Variants in IQCH observed in about 807,000 individuals in gnomAD.
The protein encoded by IQCH is IQ motif containing H.
IQCH carries 98 observed loss-of-function variants against 117.0 expected under a neutral mutation model. That is an observed-to-expected ratio of 0.84 (90% CI 0.71 to 0.99). The LOEUF (loss-of-function observed/expected upper bound fraction) is 0.99, where lower values mean the gene tolerates loss of function less well. Among genes scored for constraint, IQCH ranks in the 50% least tolerant of loss-of-function variants. The pLI, the probability that IQCH is intolerant of heterozygous loss-of-function variation, is 0.00. For missense variants in IQCH, 1,102 were observed against 1,243.8 expected, an observed-to-expected ratio of 0.89 and a Z score of 1.72; for synonymous variants, 412 against 448.2, an observed-to-expected ratio of 0.92 and a Z score of 1.02.
Position 67,480,876 on chromosome 15 carries a change from T to A in IQCH, c.2799+5058T>A, listed in dbSNP as rs1306191230. Among the ~76,000 whole-genome samples the A allele has an allele frequency of 3.9e-5, 6 of 152,054 alleles. No individual in the cohort carries two copies. In the East Asian group the frequency reaches 5.8e-4, roughly 15 times the overall value. On this transcript the variant is annotated intron_variant, in intron 18 of 20. Coordinates refer to ENST00000335894, the MANE Select transcript of IQCH (RefSeq NM_001031715.3). ...ATGGTGTATATTAGGCATTGCCGAC[T>A]GCATTTGGCAAGGTATTATACAAAA...
rs2081997519 is a variant in IQCH, at chr15:67,430,525, T to C, written c.2505+8948T>C. 6.6e-6 allele frequency: 1 copy of C among 152,242 alleles called. No homozygotes were observed. 9.4% of individuals were successfully genotyped at this position (152,242 alleles called of 1,614,324 possible). ...TTGTATTGATTCATAGGTATAAATA[T>C]TGCCTCCATGAGATTTTTTTAATCC... On this transcript the variant is annotated intron_variant, in intron 16 of 20. Transcript: ENST00000335894. The surrounding 1 kb of genome is among the most constrained non-coding windows in gnomAD (Gnocchi z 5.1).
At chr15:67,371,442 TC>T in intron 8 of IQCH, 1 of 1,463,800 alleles carries the variant, frequency 6.8e-7, no homozygotes, top group South Asian at 1.6e-5. Flanking sequence ...GTGATCCTAA[TC>T]CACCTGGGAC....
At chr15:67,450,665 G>A (rs1034337869) in intron 16 of IQCH, among the ~76,000 whole-genome samples, 2 of 152,286 alleles carry the variant, frequency 1.3e-5, no homozygotes, top group South Asian at 2.1e-4. Context: ...GTTCATCAAG[G>A]ATATTGGTCT....
chr15:67,461,370 A>G (rs2082789347), intron 16 of IQCH, among the ~76,000 whole-genome samples: 1 of 152,230 alleles, frequency 6.6e-6, no homozygotes, highest in Non-Finnish European at 1.5e-5. Context: ...AGGAGTTCAC[A>G]GTGAAACACT....
intron 4 of IQCH, among the ~76,000 whole-genome samples, chr15:67,287,815 T>C (rs1157133480): frequency 6.6e-6 from 1 of 152,050 alleles, no homozygotes; most frequent in Non-Finnish European, 1.5e-5. Context: ...TCTAGTTCTT[T>C]AAGATGTATT....
chr15:67,361,702 T>C (rs1339906258), intron 8 of IQCH, among the ~76,000 whole-genome samples: 1 of 152,208 alleles, frequency 6.6e-6, no homozygotes, highest in Non-Finnish European at 1.5e-5. Flanking sequence ...GCCTTTTCTA[T>C]CTTATAGCTC....
chr15:67,421,470 A>G lies in IQCH; in HGVS notation c.2398A>G (p.Thr800Ala), dbSNP rs1253485990. 6.2e-7 allele frequency: 1 copy of G among 1,614,098 alleles called. No individual in the cohort carries two copies. Among genetic ancestry groups the G allele is most frequent in the Non-Finnish European group, 8.5e-7 (1 of 1,179,984 alleles). ...GACCTCAGTGGATCCCCAAGTTCTC[A>G]CTTATTTGTGCCTCCAAATTGGAAA... ...PQTSVDPQVL[T>A]YLCLQIGKAC... is the part of the protein sequence containing the mutation. Residue 800 changes from threonine (T) to alanine (A), a missense_variant, in exon 16 of 21, where the codon ACT becomes GCT. Coordinates refer to ENST00000335894, the MANE Select transcript of IQCH (RefSeq NM_001031715.3).
rs934951022 is a variant in IQCH, at chr15:67,493,766, G to A, written c.2862-492G>A. 4.6e-5 allele frequency among the ~76,000 whole-genome samples: 7 copies of A among 151,950 alleles called. No individual in the cohort carries two copies. The highest frequency in any genetic ancestry group is 2.1e-4 in the South Asian group (1 of 4,824). The stretch of plus-strand genomic sequence containing the variant: ...GTTAGTGTCCTGCACCCATTAACTC[G>A]TCATTTACATTAGGTATATCTCCTA... On this transcript the variant is annotated intron_variant, in intron 19 of 20. Transcript: ENST00000335894. The surrounding 1 kb of genome is among the most constrained non-coding windows in gnomAD (Gnocchi z 5.1).
At chr15:67,402,922 C>G (rs961312230) in intron 14 of IQCH, among the ~76,000 whole-genome samples, 2 of 152,144 alleles carry the variant, frequency 1.3e-5, no homozygotes. Context: ...TAGATGTAGA[C>G]AAGATTCAGT....
intron 1 of IQCH, among the ~76,000 whole-genome samples, chr15:67,255,886 C>G (rs1965159394): frequency 6.6e-6 from 1 of 152,182 alleles, no homozygotes; most frequent in Admixed American, 6.5e-5. Flanking sequence ...CTAATCTTAC[C>G]TGATCTTTTC....
chr15:67,421,714 C>A lies in IQCH; in HGVS notation c.2505+137C>A. 4 of 851,160 alleles carry A rather than the reference C, an allele frequency of 4.7e-6. No individual in the cohort carries two copies. The South Asian group carries it at 5.2e-5, about 11-fold the overall frequency. 52.7% of individuals were successfully genotyped at this position (851,160 alleles called of 1,614,324 possible). A position where few individuals can be genotyped will look rare whatever the true frequency, so the allele number is the denominator to read the frequency against. On this transcript the variant is annotated intron_variant, in intron 16 of 20. Coordinates refer to ENST00000335894, the MANE Select transcript of IQCH (RefSeq NM_001031715.3). ...TGATGAACTTGCTCTAAATTCAACA[C>A]CTATATGGCCCATGCGAATCCAAGT...
chr15:67,376,224 A>G lies in IQCH; in HGVS notation c.1372+2791A>G, dbSNP rs568449388. Reference sequence around the variant, plus strand: ...GATATAGGGTACCCTTTTTTTGTGTACCACATCCCTGGGAGTCCTTAAAGA... The same window carrying G: ...GATATAGGGTACCCTTTTTTTGTGTGCCACATCCCTGGGAGTCCTTAAAGA... On this transcript the variant is annotated intron_variant, in intron 10 of 20. Transcript: ENST00000335894. This position sits in a 1 kb window ranked among gnomAD's most constrained non-coding sequence, Gnocchi z 5.0. 6.6e-6 allele frequency among the ~76,000 whole-genome samples: 1 copy of G among 151,944 alleles called. No individual in the cohort carries two copies. Among genetic ancestry groups the G allele is most frequent in the African/African-American group, 2.4e-5 (1 of 41,412 alleles).
intron 12 of IQCH, among the ~76,000 whole-genome samples, chr15:67,394,583 T>C (rs1971397727): frequency 6.6e-6 from 1 of 152,160 alleles, no homozygotes; most frequent in African/African-American, 2.4e-5. Flanking sequence ...CCCATTAGAC[T>C]AGCTAGAATT....
Position 67,474,058 on chromosome 15 carries a change from C to T in IQCH, c.2677-1638C>T, listed in dbSNP as rs895485556. 2.3e-5 allele frequency among the ~76,000 whole-genome samples: 3 copies of T among 129,422 alleles called. No homozygotes were observed. Among genetic ancestry groups the T allele is most frequent in the East Asian group, 2.2e-4 (1 of 4,578 alleles). 84.9% of individuals were successfully genotyped at this position (129,422 alleles called of 152,430 possible). A position where few individuals can be genotyped will look rare whatever the true frequency, so the allele number is the denominator to read the frequency against. ...GGGGAGCATGTCACCAAAAGTGCCA[C>T]GAAATCTGAGTGTGTGTGTGTGTGT... On this transcript the variant is annotated intron_variant, in intron 17 of 20. Coordinates refer to ENST00000335894, the MANE Select transcript of IQCH (RefSeq NM_001031715.3). The surrounding 1 kb of genome is among the most constrained non-coding windows in gnomAD (Gnocchi z 4.1).
At chr15:67,469,341 C>T (rs528886166) in intron 17 of IQCH, among the ~76,000 whole-genome samples, 5 of 152,226 alleles carry the variant, frequency 3.3e-5, no homozygotes, top group African/African-American at 1.2e-4. Flanking sequence ...TCTTACGGGG[C>T]CTACAGAAAG....
At chr15:67,442,367 G>A (rs566067549) in intron 16 of IQCH, among the ~76,000 whole-genome samples, 5 of 151,602 alleles carry the variant, frequency 3.3e-5, no homozygotes, top group South Asian at 2.1e-4. Context: ...CCAAGATCAC[G>A]CCATTGCACT....
At chr15:67,308,764 A>C (rs1200206502) in intron 4 of IQCH, among the ~76,000 whole-genome samples, 1 of 152,000 alleles carries the variant, frequency 6.6e-6, no homozygotes, top group African/African-American at 2.4e-5. Context: ...ATTGGTTTGG[A>C]ATAATGGGAA....
Position 67,424,215 on chromosome 15 carries a change from C to T in IQCH, c.2505+2638C>T, listed in dbSNP as rs1265488113. On this transcript the variant is annotated intron_variant, in intron 16 of 20. Transcript: ENST00000335894. This position sits in a 1 kb window ranked among gnomAD's most constrained non-coding sequence, Gnocchi z 4.9. Reference sequence around the variant, plus strand: ...CCTCTTACTCATCATATTCCCTCTACCACAGGGCCTAAACATGCTGTTCCT... The same window carrying T: ...CCTCTTACTCATCATATTCCCTCTATCACAGGGCCTAAACATGCTGTTCCT... Among the ~76,000 whole-genome samples, 2 of 152,140 alleles carry T rather than the reference C, an allele frequency of 1.3e-5. No individual in the cohort carries two copies. The highest frequency in any genetic ancestry group is 2.9e-5 in the Non-Finnish European group (2 of 68,036).
At chr15:67,292,314 A>G (rs1010091046) in intron 4 of IQCH, among the ~76,000 whole-genome samples, 3 of 152,196 alleles carry the variant, frequency 2.0e-5, no homozygotes, top group Non-Finnish European at 4.4e-5. Context: ...GCAGTATACA[A>G]TCATGGCTCA....
Sources: gnomAD v4.1 joint callset for allele counts (sites outside exome capture counted in the v4.1 genomes callset) on GRCh38, gnomAD v4.1.1 for gene constraint, Gnocchi (gnomAD v3.1) non-coding constraint, MANE v1.5 for transcripts, NCBI Gene and HGNC (gene_info 2026-07-23, HGNC 2026-07-21) for gene names.